The following MAMLD1 variants were observed in gnomAD, a reference collection of about 807,000 sequenced individuals.
MAMLD1 encodes mastermind-like domain-containing protein 1.
A neutral mutation model predicts 45.0 loss-of-function variants in MAMLD1; 14 were observed. The ratio of observed to expected loss-of-function variants is 0.31; its 90% CI spans 0.21 to 0.49. The LOEUF (loss-of-function observed/expected upper bound fraction) is 0.49, where lower values mean the gene tolerates loss of function less well. Among genes scored for constraint, MAMLD1 ranks in the 20% least tolerant of loss-of-function variants. MAMLD1 has a pLI of 0.99. For missense variants in MAMLD1, 543 were observed against 603.6 expected (o/e 0.90, Z 1.05); for synonymous variants, 254 against 247.8 (o/e 1.02, Z -0.24).
chrX:150,484,574 G>T (rs2036925972), intron 5 of MAMLD1, among the ~76,000 whole-genome samples: 1 of 112,539 alleles, frequency 8.9e-6, no homozygotes, highest in African/African-American at 3.2e-5. Flanking sequence ...ATTCTGCCCA[G>T]CTTGTTCCAC....
At chrX:150,428,616 G>A (rs2034801142) in intron 1 of MAMLD1, among the ~76,000 whole-genome samples, 1 of 112,350 alleles carries the variant, frequency 8.9e-6, no homozygotes, top group Non-Finnish European at 1.9e-5. Flanking sequence ...GGACAGAAAG[G>A]TCTGCTTAAG....
At chrX:150,452,595 TC>T (rs2035699394) in intron 2 of MAMLD1, among the ~76,000 whole-genome samples, 1 of 72,669 alleles carries the variant, frequency 1.4e-5, no homozygotes, top group East Asian at 9.7e-4. Flanking sequence ...TTCTCTCCTC[TC>T]TTTTTTTTTT....
rs782423026 is a variant in MAMLD1 at position 150,512,008 on chromosome X, C to G, written c.*49C>G. On this transcript the variant is annotated 3_prime_UTR_variant, in exon 8 of 8. Transcript: ENST00000370401. Reference sequence around the variant, plus strand: ...CTTCTCTCTTTCTGTATGTAGCCGTCCAAGAACAAGTCACCTCCAAGTGTA... The same window carrying G: ...CTTCTCTCTTTCTGTATGTAGCCGTGCAAGAACAAGTCACCTCCAAGTGTA... The G allele has an allele frequency of 1.8e-6, 2 of 1,085,749 alleles. No homozygotes were observed. Among genetic ancestry groups the G allele is most frequent in the Non-Finnish European group, 2.4e-6 (2 of 836,264 alleles). 89.5% of individuals were successfully genotyped at this position (1,085,749 alleles called of 1,213,427 possible).
At chrX:150,401,157 A>G (rs1347553924) in intron 1 of MAMLD1, among the ~76,000 whole-genome samples, 8 of 111,382 alleles carry the variant, frequency 7.2e-5, no homozygotes, top group African/African-American at 1.3e-4. Flanking sequence ...GTCTATTCAG[A>G]GATTCAACTT....
intron 5 of MAMLD1, among the ~76,000 whole-genome samples, chrX:150,482,513 C>T (rs781872251): frequency 3.5e-5 from 4 of 112,693 alleles, no homozygotes; most frequent in South Asian, 3.7e-4. Context: ...TAAAATGGTA[C>T]ATTTTATACA....
At chrX:150,493,884 G>C (rs193192603) in intron 5 of MAMLD1, among the ~76,000 whole-genome samples, 5 of 111,887 alleles carry the variant, frequency 4.5e-5, no homozygotes, top group Admixed American at 3.8e-4. Flanking sequence ...AAACCTCATG[G>C]CATAATACAA....
In MAMLD1 at chrX:150,415,396, G is replaced by A. The variant is rs192967951; in HGVS notation, c.-63-30058G>A. On this transcript the variant is annotated intron_variant, in intron 1 of 7. Coordinates refer to ENST00000370401, the MANE Select transcript of MAMLD1 (RefSeq NM_005491.5). ...AAACAATACCTTTCAGATGCATTAA[G>A]GTTACATCGTTAACAGGACTTTACT... Among the ~76,000 whole-genome samples the A allele has an allele frequency of 6.2e-5, 7 of 112,610 alleles. No homozygotes were observed. In the East Asian group the frequency reaches 2.0e-3, roughly 32 times the overall value.
At chrX:150,490,571 T>C (rs1228769296) in intron 5 of MAMLD1, among the ~76,000 whole-genome samples, 1 of 112,213 alleles carries the variant, frequency 8.9e-6, no homozygotes, top group African/African-American at 3.2e-5. Context: ...ATATTTGGCT[T>C]CCTAATTATT....
Position 150,512,104 on chromosome X carries a change from T to C in MAMLD1, c.*145T>C. 8.7e-7 allele frequency: 1 copy of C among 1,152,365 alleles called. No homozygotes were observed. The highest frequency in any genetic ancestry group is 1.1e-6 in the Non-Finnish European group (1 of 871,023). 95.0% of individuals were successfully genotyped at this position (1,152,365 alleles called of 1,213,427 possible). ...CCAGAACTGGGCTTCTTCAGAACAA[T>C]CTGAGTCCAGGAATGATCCCACTCA... is the stretch of plus-strand genomic sequence containing the variant. On this transcript the variant is annotated 3_prime_UTR_variant, in exon 8 of 8. Coordinates refer to ENST00000370401, the MANE Select transcript of MAMLD1 (RefSeq NM_005491.5).
At position 150,470,277 on chromosome X, in the gene MAMLD1, C is replaced by T. The variant is rs1557406281; in HGVS notation, c.704C>T (p.Ser235Phe). Residue 235 changes from serine to phenylalanine, a missense_variant, in exon 4 of 8, where the codon TCC becomes TTC. Coordinates refer to ENST00000370401, the MANE Select transcript of MAMLD1 (RefSeq NM_005491.5). ...VQMSHLESLA[S>F]SKEFASSCSQ... ...ATGTCACACTTGGAGAGCCTGGCTTCCAGCAAGGAGTTTGCTTCTAGTTGC... is the reference window on the plus strand; with the variant it reads ...ATGTCACACTTGGAGAGCCTGGCTTTCAGCAAGGAGTTTGCTTCTAGTTGC... 5 of 1,208,212 alleles carry T rather than the reference C, an allele frequency of 4.1e-6. No individual in the cohort carries two copies. Among genetic ancestry groups the T allele is most frequent in the South Asian group, 1.8e-5 (1 of 56,668 alleles).
chrX:150,402,736 G>A (rs1312629954), intron 1 of MAMLD1, among the ~76,000 whole-genome samples: 3 of 112,069 alleles, frequency 2.7e-5, no homozygotes, highest in Non-Finnish European at 5.6e-5. Context: ...GGAATACTAT[G>A]CAGCCATAAA....
At chrX:150,416,021 G>C (rs1423755828) in intron 1 of MAMLD1, among the ~76,000 whole-genome samples, 6 of 111,944 alleles carry the variant, frequency 5.4e-5, no homozygotes, top group African/African-American at 1.9e-4. Flanking sequence ...TGAGAAGAAT[G>C]GAATAAGCCT....
At chrX:150,474,912 G>T (rs1282797722) in intron 5 of MAMLD1, among the ~76,000 whole-genome samples, 2 of 111,593 alleles carry the variant, frequency 1.8e-5, no homozygotes, top group African/African-American at 6.5e-5. Context: ...TAAGAACTCA[G>T]CCCTGGTCAT....
chrX:150,448,677 T>C (rs782176949), intron 2 of MAMLD1, among the ~76,000 whole-genome samples: 1 of 111,871 alleles, frequency 8.9e-6, no homozygotes, highest in South Asian at 3.7e-4. Flanking sequence ...GTGTATGGAG[T>C]TTTAACAGGA....
chrX:150,494,178 G>A (rs1009763952), intron 5 of MAMLD1, among the ~76,000 whole-genome samples: 17 of 109,878 alleles, frequency 1.5e-4, no homozygotes, highest in African/African-American at 5.0e-4. Context: ...GGCGGATCAC[G>A]AGATCAGAAG....
At chrX:150,384,615 T>C (rs1557401987) in intron 1 of MAMLD1, among the ~76,000 whole-genome samples, 2 of 112,091 alleles carry the variant, frequency 1.8e-5, no homozygotes, top group Non-Finnish European at 3.8e-5. Context: ...ATTTTAATTT[T>C]GATGAAAGCT....
chrX:150,364,870 C>G (rs979475192), intron 1 of MAMLD1, among the ~76,000 whole-genome samples: 1 of 113,019 alleles, frequency 8.8e-6, no homozygotes, highest in Non-Finnish European at 1.9e-5. Context: ...GGCCCCGGCC[C>G]GCGCCTGGGG....
chrX:150,490,475 G>A (rs143817321), intron 5 of MAMLD1, among the ~76,000 whole-genome samples: 1 of 112,355 alleles, frequency 8.9e-6, no homozygotes, highest in Non-Finnish European at 1.9e-5. Flanking sequence ...GGCTTTAGTT[G>A]CCATCATAAG....
chrX:150,487,312 A>G (rs945267274), intron 5 of MAMLD1, among the ~76,000 whole-genome samples: 1 of 112,564 alleles, frequency 8.9e-6, no homozygotes, highest in African/African-American at 3.2e-5. Context: ...ATATCATGGA[A>G]TTCCTGCTTT....
Sources: gnomAD v4.1 joint callset for allele counts (sites outside exome capture counted in the v4.1 genomes callset) on GRCh38, gnomAD v4.1.1 for gene constraint, MANE v1.5 for transcripts, NCBI Gene and HGNC (gene_info 2026-07-23, HGNC 2026-07-21) for gene names.